PHEX: variants seen among roughly 807,000 people sequenced by gnomAD.
The protein encoded by PHEX is phosphate-regulating neutral endopeptidase PHEX.
In PHEX, 16 loss-of-function variants were observed where a neutral mutation model predicts 68.0. The observed-to-expected ratio is 0.24, with a 90% CI of 0.16 to 0.36. The LOEUF (loss-of-function observed/expected upper bound fraction) is 0.36. Among genes scored for constraint, PHEX ranks in the 10% least tolerant of loss-of-function variants. The pLI, the probability that PHEX is intolerant of heterozygous loss-of-function variation, is 1.00. For missense variants in PHEX, 480 were observed against 575.5 expected (o/e 0.83, Z 1.70); for synonymous variants, 208 against 205.1 (o/e 1.01, Z -0.12).
intron 14 of PHEX, among the ~76,000 whole-genome samples, chrX:22,179,756 TATTA>T (rs772787002): frequency 2.7e-5 from 3 of 112,170 alleles, no homozygotes; most frequent in East Asian, 2.8e-4. Context: ...TCATATTTTC[TATTA>T]ATTCTTCAAA....
At chrX:22,082,710 T>A (rs1215773966) in intron 5 of PHEX, among the ~76,000 whole-genome samples, 2 of 112,348 alleles carry the variant, frequency 1.8e-5, no homozygotes, top group Non-Finnish European at 3.8e-5. Flanking sequence ...CTCTTTGGTT[T>A]AATTAAGTCC....
chrX:22,047,955 GT>G (rs11349562), intron 3 of PHEX, among the ~76,000 whole-genome samples: 18,756 of 103,062 alleles, frequency 0.18, 1,346 homozygotes, highest in Admixed American at 0.25. Flanking sequence ...AAATAGTATG[GT>G]TTTTTTTTTT....
intron 13 of PHEX, among the ~76,000 whole-genome samples, chrX:22,173,548 C>A (rs143964769): frequency 0.011 from 1,218 of 109,727 alleles, 16 homozygotes; most frequent in African/African-American, 0.038. Context: ...ACTATTAATG[C>A]CAAAAACTGC....
chrX:22,055,671 C>T (rs1324108165), intron 3 of PHEX, among the ~76,000 whole-genome samples: 2 of 111,474 alleles, frequency 1.8e-5, no homozygotes, highest in Admixed American at 1.9e-4. Context: ...AAGCAATTCT[C>T]CTGCCTCAGC....
Position 22,114,596 on chromosome X carries a change from A to G in PHEX, c.1302+10A>G. 1 of 1,199,772 alleles carries G rather than the reference A, an allele frequency of 8.3e-7. No homozygotes were observed. The highest frequency in any genetic ancestry group is 1.1e-6 in the Non-Finnish European group (1 of 885,088). On this transcript the variant is annotated intron_variant, in intron 11 of 21. Coordinates refer to ENST00000379374, the MANE Select transcript of PHEX (RefSeq NM_000444.6). ...AGATAAGAAGGAAATGGTAAGTGGT[A>G]CTCCCCAGCTAGCAAAAAATAATGG...
intron 3 of PHEX, among the ~76,000 whole-genome samples, chrX:22,048,600 A>T (rs762710009): frequency 1.6e-4 from 18 of 112,005 alleles, no homozygotes; most frequent in Non-Finnish European, 2.6e-4. Context: ...AGATTTCTAT[A>T]TTCAGGACAT....
At chrX:22,113,131 TGA>T (rs1931068392) in intron 10 of PHEX, among the ~76,000 whole-genome samples, 1 of 107,998 alleles carries the variant, frequency 9.3e-6, no homozygotes, top group Non-Finnish European at 1.9e-5. Flanking sequence ...GTGAAGAGAA[TGA>T]GAGAGGTGTA....
chrX:22,063,317 G>T (rs1928457622), intron 3 of PHEX, among the ~76,000 whole-genome samples: 1 of 112,348 alleles, frequency 8.9e-6, no homozygotes, highest in Admixed American at 9.5e-5. Flanking sequence ...TATAAGAAAA[G>T]AGATTTTCTT....
At chrX:22,137,213 C>T (rs772719893) in intron 12 of PHEX, among the ~76,000 whole-genome samples, 3 of 111,750 alleles carry the variant, frequency 2.7e-5, no homozygotes, top group Non-Finnish European at 5.6e-5. Context: ...CTGAGCTTGG[C>T]TTATCTCCAG....
chrX:22,247,802 T>C, intron 21 of PHEX, 49 bp from the exon 22 acceptor site: 1 of 865,962 alleles, frequency 1.2e-6, no homozygotes, highest in Non-Finnish European at 1.7e-6. Flanking sequence ...ACAGAACCTG[T>C]TGATGTGCAA....
intron 3 of PHEX, among the ~76,000 whole-genome samples, chrX:22,064,329 C>T (rs934208327): frequency 2.7e-5 from 3 of 110,731 alleles, no homozygotes; most frequent in African/African-American, 9.9e-5. Flanking sequence ...GCCCCAGTAT[C>T]TGTTGTTCCC....
chrX:22,036,739 T>A (rs1303833250), intron 1 of PHEX, among the ~76,000 whole-genome samples: 8 of 109,430 alleles, frequency 7.3e-5, no homozygotes, highest in Admixed American at 4.0e-4. Flanking sequence ...AACTTTTTTT[T>A]TTTTTTTGCT....
At chrX:22,111,588 A>G (rs1930972819) in intron 10 of PHEX, 28 bp downstream of exon 10, 7 of 1,006,614 alleles carry the variant, frequency 7.0e-6, no homozygotes, top group Non-Finnish European at 7.1e-6. Context: ...GCAGTGTTAC[A>G]TCGCTGGATA....
chrX:22,226,576 A>G (rs892728248), intron 19 of PHEX, 68 bp downstream of exon 19: 13 of 789,822 alleles, frequency 1.6e-5, no homozygotes, highest in African/African-American at 1.0e-4. Flanking sequence ...GGGTACCTCA[A>G]TTCATACCAT....
At position 22,188,757 on chromosome X, in the gene PHEX, A is replaced by G. The variant is rs140576941; in HGVS notation, c.1587-1687A>G. 1.4e-3 allele frequency among the ~76,000 whole-genome samples: 153 copies of G among 112,177 alleles called. 1 individual carries two copies. The highest frequency in any genetic ancestry group is 4.7e-3 in the African/African-American group (145 of 30,956). Reference sequence around the variant, plus strand: ...CAAGCATTTATCCTTTGTGTTACAAACAATCCGCTTATATTATTATAGTTA... The same window carrying G: ...CAAGCATTTATCCTTTGTGTTACAAGCAATCCGCTTATATTATTATAGTTA... On this transcript the variant is annotated intron_variant, in intron 14 of 21. Coordinates refer to ENST00000379374, the MANE Select transcript of PHEX (RefSeq NM_000444.6).
intron 5 of PHEX, among the ~76,000 whole-genome samples, chrX:22,088,036 C>T (rs1442556858): frequency 2.7e-5 from 3 of 111,756 alleles, no homozygotes; most frequent in East Asian, 2.8e-4. Context: ...CCCCAAATAC[C>T]TCATGTTATC....
At chrX:22,246,804 A>T (rs957935986) in intron 21 of PHEX, among the ~76,000 whole-genome samples, 1 of 112,201 alleles carries the variant, frequency 8.9e-6, no homozygotes, top group Non-Finnish European at 1.9e-5. Flanking sequence ...AGTCCATTAC[A>T]TTTATGCAAA....
At chrX:22,186,846 G>C (rs1328624374) in intron 14 of PHEX, among the ~76,000 whole-genome samples, 2 of 112,344 alleles carry the variant, frequency 1.8e-5, no homozygotes, top group East Asian at 5.6e-4. Flanking sequence ...CATTTTCCCT[G>C]CATGGCCCTT....
intron 15 of PHEX, among the ~76,000 whole-genome samples, chrX:22,200,073 C>T (rs1934499939): frequency 8.9e-6 from 1 of 111,896 alleles, no homozygotes; most frequent in African/African-American, 3.3e-5. Flanking sequence ...ATTAATATGC[C>T]AACCATTATG....
Sources: allele counts gnomAD v4.1 joint callset (sites outside exome capture counted in the v4.1 genomes callset), GRCh38; gene constraint gnomAD v4.1.1; transcripts MANE v1.5; gene names NCBI Gene and HGNC (gene_info 2026-07-23, HGNC 2026-07-21).